Variants in AKAP13 observed in about 807,000 individuals in gnomAD.
AKAP13 encodes the protein A-kinase anchor protein 13.
AKAP13 carries 80 observed loss-of-function variants against 264.5 expected under a neutral mutation model. The ratio of observed to expected loss-of-function variants is 0.30; its 90% CI spans 0.25 to 0.36. The LOEUF is 0.36. Among genes scored for constraint, AKAP13 ranks in the 10% least tolerant of loss-of-function variants. AKAP13 has a pLI of 1.00. For missense variants in AKAP13, 3,712 were observed against 3,435.2 expected (o/e 1.08, Z -2.01); for synonymous variants, 1,380 against 1,250.2 (o/e 1.10, Z -2.19).
intron 1 of AKAP13, among the ~76,000 whole-genome samples, chr15:85,433,764 A>G (rs1039652483): frequency 6.6e-6 from 1 of 151,836 alleles, no homozygotes; most frequent in Admixed American, 6.6e-5. Context: ...CAACATGGTG[A>G]AACCCCTCTC....
At position 85,747,376 on chromosome 15, in the gene AKAP13, CAT is replaced by C. The variant is rs1389049603; in HGVS notation, c.*2700_*2701del. 2.1e-5 allele frequency: 3 copies of C among 140,442 alleles called. No individual in the cohort carries two copies. Among genetic ancestry groups the C allele is most frequent in the Non-Finnish European group, 4.7e-5 (3 of 63,820 alleles). The allele number at this position is 140,442 out of a possible 1,614,324, so 8.7% of individuals were successfully genotyped here. A position where few individuals can be genotyped will look rare whatever the true frequency, so the allele number is the denominator to read the frequency against. On this transcript the variant is annotated 3_prime_UTR_variant, in exon 37 of 37. Coordinates refer to ENST00000394518, the MANE Select transcript of AKAP13 (RefSeq NM_007200.5). ...TAATGGCCTGTCTTGGTTTCTATCA[CAT>C]GAGAAGGGGTTGTTTTTTTGGGGTG...
At chr15:85,465,151 C>A (rs564923968) in intron 1 of AKAP13, among the ~76,000 whole-genome samples, 12 of 140,174 alleles carry the variant, frequency 8.6e-5, no homozygotes, top group African/African-American at 3.4e-4. Flanking sequence ...GACGGGGTTT[C>A]ATGTGTTAGC....
intron 4 of AKAP13, chr15:85,535,787 C>G (rs1046204732): frequency 1.3e-5 from 2 of 149,912 alleles, no homozygotes; most frequent in South Asian, 4.2e-4. Flanking sequence ...ATATCACTTC[C>G]TCTTTCTCTC....
intron 5 of AKAP13, among the ~76,000 whole-genome samples, chr15:85,573,798 G>A (rs2078908913): frequency 6.7e-6 from 1 of 149,744 alleles, no homozygotes; most frequent in Non-Finnish European, 1.5e-5. Context: ...ATAGAAAAAA[G>A]TAGATATGTT....
chr15:85,419,935 GTTTTTTTT>G (rs11452064), intron 1 of AKAP13, among the ~76,000 whole-genome samples: 2 of 77,970 alleles, frequency 2.6e-5, no homozygotes, highest in Non-Finnish European at 4.6e-5. Flanking sequence ...TCTGACTCTT[GTTTTTTTT>G]TTTTTTTTTT....
At position 85,745,266 on chromosome 15, in the gene AKAP13, C is replaced by T. The variant is rs1054346583; in HGVS notation, c.*589C>T. 2 of 152,262 alleles carry T rather than the reference C, an allele frequency of 1.3e-5. No homozygotes were observed. The highest frequency in any genetic ancestry group is 1.5e-5 in the Non-Finnish European group (1 of 68,096). The allele number at this position is 152,262 out of a possible 1,614,324, so 9.4% of individuals were successfully genotyped here. Reference sequence around the variant, plus strand: ...TCAGAGACTGGTTTCCCTCTAAACCCATCCCGGGCACATACCACCCGTGTT... The same window carrying T: ...TCAGAGACTGGTTTCCCTCTAAACCTATCCCGGGCACATACCACCCGTGTT... On this transcript the variant is annotated 3_prime_UTR_variant, in exon 37 of 37. Coordinates refer to ENST00000394518, the MANE Select transcript of AKAP13 (RefSeq NM_007200.5).
chr15:85,523,065 T>C (rs556692152), intron 3 of AKAP13, among the ~76,000 whole-genome samples: 51 of 152,066 alleles, frequency 3.4e-4, no homozygotes, highest in African/African-American at 1.2e-3. Flanking sequence ...GACCTTTTTT[T>C]ACTTCTGGAA....
At chr15:85,630,166 T>TACACACACACACACAC (rs59852934) in intron 8 of AKAP13, among the ~76,000 whole-genome samples, 1 of 100,124 alleles carries the variant, frequency 1.0e-5, no homozygotes, top group African/African-American at 3.9e-5. Flanking sequence ...TTTTAACACA[T>TACACACACACACACAC]ACACACACAC....
intron 23 of AKAP13, 86 bp from the exon 24 acceptor site, chr15:85,721,905 T>C (rs1477070448): frequency 6.4e-6 from 10 of 1,568,164 alleles, no homozygotes; most frequent in African/African-American, 1.4e-5. Context: ...GCTCTTGACT[T>C]TTACAACTAG....
At chr15:85,489,766 A>G (rs1399140139) in intron 2 of AKAP13, among the ~76,000 whole-genome samples, 1 of 152,260 alleles carries the variant, frequency 6.6e-6, no homozygotes, top group Non-Finnish European at 1.5e-5. Context: ...AGATGTGTCC[A>G]GAATACGTTG....
At chr15:85,432,664 A>G (rs1043360210) in intron 1 of AKAP13, among the ~76,000 whole-genome samples, 1 of 152,212 alleles carries the variant, frequency 6.6e-6, no homozygotes, top group Non-Finnish European at 1.5e-5. Flanking sequence ...CACTTCGCAA[A>G]ATTGACTTTT....
intron 1 of AKAP13, among the ~76,000 whole-genome samples, chr15:85,442,481 AAT>A (rs1281010844): frequency 1.5e-4 from 18 of 117,100 alleles, no homozygotes; most frequent in South Asian, 1.0e-3. Context: ...TATATTATAT[AAT>A]ATATATAATA....
At chr15:85,587,657 T>C (rs1382315505) in intron 8 of AKAP13, among the ~76,000 whole-genome samples, 1 of 152,198 alleles carries the variant, frequency 6.6e-6, no homozygotes, top group Non-Finnish European at 1.5e-5. Flanking sequence ...ATTTTATTTT[T>C]TATTTTTTTG....
rs143928624 is a variant in AKAP13 at position 85,533,708 on chromosome 15, C to T, written c.306C>T (p.Phe102=). The T allele has an allele frequency of 5.8e-5, 94 of 1,614,046 alleles. 1 individual carries two copies. The highest frequency in any genetic ancestry group is 7.3e-5 in the Non-Finnish European group (86 of 1,180,042). ...ATGAAGCGTATGATGCAGCTCAATT[C>T]CTAGCAACCAGTGCTGGAAATCAGC... The part of the protein sequence containing the change: ...VQDEAYDAAQ[F]LATSAGNQQA... The change falls in exon 4 of 37, where the codon TTC becomes TTT. Residue 102 remains phenylalanine, a synonymous_variant. Coordinates refer to ENST00000394518, the MANE Select transcript of AKAP13 (RefSeq NM_007200.5).
At chr15:85,407,881 A>T in intron 1 of AKAP13, among the ~76,000 whole-genome samples, 1 of 151,750 alleles carries the variant, frequency 6.6e-6, no homozygotes, top group Non-Finnish European at 1.5e-5. Context: ...ATTGCCTCTC[A>T]GACAAGTTAG....
At chr15:85,442,548 A>G (rs1440966533) in intron 1 of AKAP13, among the ~76,000 whole-genome samples, 4 of 132,428 alleles carry the variant, frequency 3.0e-5, no homozygotes, top group Admixed American at 8.0e-5. Context: ...TATTATATAT[A>G]TATTTATTTC....
intron 10 of AKAP13, chr15:85,651,405 C>A (rs1050254154): frequency 1.3e-5 from 2 of 152,188 alleles, no homozygotes; most frequent in African/African-American, 4.8e-5. Context: ...CGATATACTT[C>A]ACCTCTGAAC....
chr15:85,449,218 C>T (rs1327179908), intron 1 of AKAP13, among the ~76,000 whole-genome samples: 1 of 151,944 alleles, frequency 6.6e-6, no homozygotes, highest in Non-Finnish European at 1.5e-5. Context: ...TCTGATTTGG[C>T]TCTCGATTTG....
rs1178933248 is a variant in AKAP13, at chr15:85,579,311, C to G, written c.1243C>G (p.Leu415Val). The change falls in exon 7 of 37, where the codon CTT becomes GTT. Residue 415 changes from leucine to valine, a missense_variant. Leu to Val is a conservative substitution (Grantham distance 32). This residue lies in a region of AKAP13 where 2,759 missense variants were observed against 2,411.7 expected (regional missense o/e 1.14). Transcript: ENST00000394518. ...TTGTGGAGTAAAGGGCACGGAAGGC[C>G]TTTCGTCCTGTGGAAACAGAAATGA... ...PDCGVKGTEG[L>V]SSCGNRNEET... is the part of the protein sequence containing the mutation. 2 of 1,614,078 alleles carry G rather than the reference C, an allele frequency of 1.2e-6. No homozygotes were observed. Among genetic ancestry groups the G allele is most frequent in the African/African-American group, 2.7e-5 (2 of 74,934 alleles).
Sources: gnomAD v4.1 joint callset for allele counts (sites outside exome capture counted in the v4.1 genomes callset) on GRCh38, gnomAD v4.1.1 for gene constraint, gnomAD v4.1.1 regional missense constraint, MANE v1.5 for transcripts, NCBI Gene and HGNC (gene_info 2026-07-23, HGNC 2026-07-21) for gene names.